TUSC3: variants seen among roughly 807,000 people sequenced by gnomAD.
The protein encoded by TUSC3 is tumor suppressor candidate 3, also known as dolichyl-diphosphooligosaccharide--protein glycosyltransferase subunit TUSC3.
In TUSC3, 45 loss-of-function variants were observed where a neutral mutation model predicts 44.8. That is an observed-to-expected ratio of 1.00 (90% CI 0.79 to 1.29). TUSC3 has a LOEUF of 1.29. Among genes scored for constraint, TUSC3 ranks in the 50% most tolerant of loss-of-function variants. TUSC3 has a pLI of 0.00. For synonymous variants in TUSC3, 212 were observed against 152.9 expected (o/e 1.39, Z -2.85); for missense variants, 519 against 437.9 (o/e 1.19, Z -1.65).
At chr8:15,828,365 T>G in the TUSC3 span, among the ~76,000 whole-genome samples, 2 of 152,212 alleles carry the variant, frequency 1.3e-5, no homozygotes, top group African/African-American at 4.8e-5. Flanking sequence ...CATCTGTAGG[T>G]GACCATAAAC....
chr8:15,711,476 G>C (rs1809849429), intron 6 of TUSC3, among the ~76,000 whole-genome samples: 1 of 149,846 alleles, frequency 6.7e-6, no homozygotes, highest in South Asian at 2.1e-4. Context: ...GTGTGTGTGT[G>C]TGTGTGTGTG....
chr8:15,569,722 A>G (rs1185739137), intron 1 of TUSC3, among the ~76,000 whole-genome samples: 1 of 152,108 alleles, frequency 6.6e-6, no homozygotes, highest in Non-Finnish European at 1.5e-5. Flanking sequence ...ATGGATACAT[A>G]GTGTTTGATG....
intron 8 of TUSC3, among the ~76,000 whole-genome samples, chr8:15,745,086 C>G (rs747704675): frequency 6.6e-6 from 1 of 152,004 alleles, no homozygotes; most frequent in Non-Finnish European, 1.5e-5. Flanking sequence ...ATAATGGCCT[C>G]CAGCTGAATT....
chr8:15,771,243 G>A (rs1004233861), downstream of TUSC3, among the ~76,000 whole-genome samples: 14 of 152,286 alleles, frequency 9.2e-5, no homozygotes, highest in Non-Finnish European at 1.8e-4. Context: ...GCTTCAGCAT[G>A]TTGGAAAATA....
chr8:15,770,100 A>G (rs1051694898), downstream of TUSC3, among the ~76,000 whole-genome samples: 3 of 152,212 alleles, frequency 2.0e-5, no homozygotes, highest in African/African-American at 7.2e-5. Flanking sequence ...TCTACTTTAG[A>G]TACATGCACA....
At chr8:15,457,198 A>G (rs1201863236) in intron 1 of TUSC3, among the ~76,000 whole-genome samples, 1 of 151,728 alleles carries the variant, frequency 6.6e-6, no homozygotes, top group East Asian at 1.9e-4. Context: ...GGTTAGCATT[A>G]GGAGATACAC....
intron 2 of TUSC3, among the ~76,000 whole-genome samples, chr8:15,636,241 G>A (rs932340166): frequency 2.6e-5 from 4 of 152,100 alleles, no homozygotes; most frequent in African/African-American, 4.8e-5. Context: ...ACTCAGGCCT[G>A]GGCATTTAGG....
chr8:15,702,765 A>C (rs1263589028), intron 6 of TUSC3, among the ~76,000 whole-genome samples: 1 of 152,166 alleles, frequency 6.6e-6, no homozygotes, highest in Non-Finnish European at 1.5e-5. Context: ...TACTTAAAAT[A>C]ACAAATTGAA....
intron 1 of TUSC3, among the ~76,000 whole-genome samples, chr8:15,466,274 G>C (rs1322671584): frequency 6.6e-6 from 1 of 152,080 alleles, no homozygotes; most frequent in African/African-American, 2.4e-5. Context: ...TACATCAAGA[G>C]GAAATCACTG....
At chr8:15,662,890 G>T (rs552317474) in intron 5 of TUSC3, among the ~76,000 whole-genome samples, 1 of 152,038 alleles carries the variant, frequency 6.6e-6, no homozygotes, top group Non-Finnish European at 1.5e-5. Flanking sequence ...TTCCCAGATT[G>T]TGACATGAGC....
chr8:15,820,374 C>T, the TUSC3 span, among the ~76,000 whole-genome samples: 1 of 146,660 alleles, frequency 6.8e-6, no homozygotes, highest in African/African-American at 2.5e-5. Flanking sequence ...TGCAGTGGCG[C>T]GATCTTGGCT....
intron 6 of TUSC3, among the ~76,000 whole-genome samples, chr8:15,724,286 C>G (rs1257354109): frequency 1.3e-5 from 2 of 152,032 alleles, no homozygotes; most frequent in Non-Finnish European, 2.9e-5. Flanking sequence ...GCCATCCAGT[C>G]TATGGTATTT....
chr8:15,553,212 A>C (rs745640671), intron 1 of TUSC3, among the ~76,000 whole-genome samples: 3 of 151,796 alleles, frequency 2.0e-5, no homozygotes, highest in Non-Finnish European at 4.4e-5. Context: ...ATCTGGGCTG[A>C]TGATAAAATA....
At chr8:15,781,313 G>A in the TUSC3 span, among the ~76,000 whole-genome samples, 8 of 152,182 alleles carry the variant, frequency 5.3e-5, no homozygotes, top group Admixed American at 5.2e-4. Flanking sequence ...AATAGGTCTG[G>A]CTCTTACCTT....
At chr8:15,659,406 A>G (rs1807320090) in intron 3 of TUSC3, 101 bp from the exon 4 acceptor site, 2 of 1,439,170 alleles carry the variant, frequency 1.4e-6, no homozygotes, top group Admixed American at 4.0e-5. Context: ...GGATTTTCAT[A>G]ATAAATGCTG....
chr8:15,537,137 GCT>G (rs141942463), upstream of TUSC3, among the ~76,000 whole-genome samples: 2 of 123,002 alleles, frequency 1.6e-5, no homozygotes, highest in Non-Finnish European at 1.8e-5. Flanking sequence ...GTTACAACCT[GCT>G]CTCTCTCTCT....
intron 9 of TUSC3, among the ~76,000 whole-genome samples, chr8:15,752,618 T>C (rs1045292339): frequency 6.6e-6 from 1 of 152,120 alleles, no homozygotes. Context: ...ATTCATTTTA[T>C]AGATGAGACC....
chr8:15,825,804 A>C, the TUSC3 span, among the ~76,000 whole-genome samples: 1 of 151,042 alleles, frequency 6.6e-6, no homozygotes, highest in Non-Finnish European at 1.5e-5. Context: ...TGGCTATTTT[A>C]CCTTAAGTTA....
intron 1 of TUSC3, among the ~76,000 whole-genome samples, chr8:15,454,020 T>A (rs1800225368): frequency 6.6e-6 from 1 of 152,056 alleles, no homozygotes; most frequent in Non-Finnish European, 1.5e-5. Flanking sequence ...ATTTGATTGG[T>A]AAGGGAGGAA....
Sources: allele counts gnomAD v4.1 joint callset (sites outside exome capture counted in the v4.1 genomes callset), GRCh38; gene constraint gnomAD v4.1.1; transcripts MANE v1.5; gene names NCBI Gene and HGNC (gene_info 2026-07-23, HGNC 2026-07-21).